CALN1: variants seen among roughly 807,000 people sequenced by gnomAD.
The protein encoded by CALN1 is calcium-binding protein 8.
Under a neutral mutation model 30.6 loss-of-function variants are expected in CALN1, and 17 were observed. That is an observed-to-expected ratio of 0.56 (90% CI 0.38 to 0.83). The LOEUF (loss-of-function observed/expected upper bound fraction) is 0.83, where lower values mean the gene tolerates loss of function less well. Among genes scored for constraint, CALN1 ranks in the 40% least tolerant of loss-of-function variants. The probability of loss-of-function intolerance (pLI) is 0.00; values close to 1 mark genes in which losing one functional copy is unlikely to be tolerated. For synonymous variants in CALN1, 156 were observed against 131.4 expected, an observed-to-expected ratio of 1.19 and a Z score of -1.28; for missense variants, 291 against 354.9, an observed-to-expected ratio of 0.82 and a Z score of 1.45.
At chr7:72,281,927 T>C (rs1797755655) in intron 2 of CALN1, among the ~76,000 whole-genome samples, 1 of 151,984 alleles carries the variant, frequency 6.6e-6, no homozygotes, top group African/African-American at 2.4e-5. Context: ...TATACCAACA[T>C]AATTTGCTTC....
rs866991887 is a variant in CALN1 at position 72,405,841 on chromosome 7, T to G, written c.-73-2399A>C. On this transcript the variant is annotated intron_variant, in intron 1 of 6. Coordinates refer to ENST00000395275, the MANE Select transcript of CALN1 (RefSeq NM_031468.4). ...AAAAAGCAGTAATTAGCTCCCCATA[T>G]GCAAAAACTTCTGAATATGTTGAGT... Among the ~76,000 whole-genome samples the G allele has an allele frequency of 5.3e-5, 8 of 152,324 alleles. 1 individual carries two copies. The Middle Eastern group carries it at 0.01, about 194-fold the overall frequency.
intron 5 of CALN1, among the ~76,000 whole-genome samples, chr7:71,867,176 A>G (rs1791636156): frequency 1.3e-5 from 2 of 151,964 alleles, no homozygotes; most frequent in East Asian, 1.9e-4. Context: ...TTACAGTAGC[A>G]TTACTCAAAT....
chr7:72,165,756 T>C (rs1788479503), intron 3 of CALN1, among the ~76,000 whole-genome samples: 1 of 151,886 alleles, frequency 6.6e-6, no homozygotes, highest in Non-Finnish European at 1.5e-5. Flanking sequence ...GCTGTCTCCT[T>C]GAGGAAGGTT....
chr7:71,901,122 G>T (rs1401937465), intron 5 of CALN1, among the ~76,000 whole-genome samples: 1 of 152,066 alleles, frequency 6.6e-6, no homozygotes, highest in African/African-American at 2.4e-5. Flanking sequence ...ATTATTTTGG[G>T]TGGTGAAGTC....
intron 2 of CALN1, among the ~76,000 whole-genome samples, chr7:72,369,594 C>CA (rs1804098627): frequency 6.6e-6 from 1 of 152,076 alleles, no homozygotes; most frequent in Admixed American, 6.6e-5. Flanking sequence ...CTGCTGACCT[C>CA]AGGTGATCCA....
intron 4 of CALN1, among the ~76,000 whole-genome samples, chr7:72,085,091 T>C (rs1805395215): frequency 6.6e-6 from 1 of 152,198 alleles, no homozygotes; most frequent in African/African-American, 2.4e-5. Context: ...TCTTTCTGAC[T>C]TACGGTCAGA....
At chr7:71,944,984 C>T (rs1796333184) in intron 5 of CALN1, among the ~76,000 whole-genome samples, 1 of 149,832 alleles carries the variant, frequency 6.7e-6, no homozygotes, top group African/African-American at 2.5e-5. Flanking sequence ...GAAATGTGAT[C>T]CCCAATACTG....
chr7:72,485,237 A>C, the CALN1 span, among the ~76,000 whole-genome samples: 1 of 152,220 alleles, frequency 6.6e-6, no homozygotes, highest in Non-Finnish European at 1.5e-5. Context: ...CCTGGGCAAC[A>C]GAGCAAGACT....
intron 5 of CALN1, among the ~76,000 whole-genome samples, chr7:71,847,506 A>T (rs1415000704): frequency 6.6e-6 from 1 of 151,458 alleles, no homozygotes; most frequent in Non-Finnish European, 1.5e-5. Context: ...ACCAAAACCA[A>T]AACCAAAACC....
chr7:71,801,472 C>CTATCTATCTATCTATCT (rs1554340287), intron 6 of CALN1, among the ~76,000 whole-genome samples: 5 of 151,270 alleles, frequency 3.3e-5, no homozygotes, highest in Non-Finnish European at 5.9e-5. Flanking sequence ...ATCTATCTAT[C>CTATCTATCTATCTATCT]GAGACAGGGT....
At chr7:72,141,900 G>A (rs1434371101) in intron 3 of CALN1, among the ~76,000 whole-genome samples, 1 of 152,144 alleles carries the variant, frequency 6.6e-6, no homozygotes, top group Non-Finnish European at 1.5e-5. Context: ...TGGGCCCTAT[G>A]TCAAAACATG....
chr7:72,066,415 C>T (rs945571185), intron 4 of CALN1, among the ~76,000 whole-genome samples: 39 of 152,176 alleles, frequency 2.6e-4, no homozygotes, highest in Admixed American at 2.2e-3. Flanking sequence ...ATACCAAATT[C>T]GTCAATGTAA....
intron 5 of CALN1, among the ~76,000 whole-genome samples, chr7:71,912,565 A>T (rs1407258429): frequency 6.6e-6 from 1 of 152,194 alleles, no homozygotes; most frequent in East Asian, 1.9e-4. Flanking sequence ...GGGAATTTTT[A>T]AAACAATCCA....
At chr7:72,408,675 C>T (rs1361284081) in intron 1 of CALN1, among the ~76,000 whole-genome samples, 26 of 77,986 alleles carry the variant, frequency 3.3e-4, no homozygotes, top group Non-Finnish European at 4.3e-4. Flanking sequence ...TTATCTTTTC[C>T]TTTTTTTTTT....
chr7:72,499,901 CTTTCTTTCTTTCT>C, the CALN1 span, among the ~76,000 whole-genome samples: 1 of 44,398 alleles, frequency 2.3e-5, no homozygotes, highest in East Asian at 5.6e-4. Flanking sequence ...TTCTTTCTTT[CTTTCTTTCTTTCT>C]ATCTTTCTCT....
intron 3 of CALN1, among the ~76,000 whole-genome samples, chr7:72,269,390 G>A (rs1012595783): frequency 1.3e-5 from 2 of 151,772 alleles, no homozygotes; most frequent in Non-Finnish European, 2.9e-5. Context: ...CCCAGTGTGT[G>A]ATGTTCCTCT....
chr7:71,928,380 T>C (rs1194694983), intron 5 of CALN1, among the ~76,000 whole-genome samples: 7 of 151,818 alleles, frequency 4.6e-5, no homozygotes, highest in African/African-American at 1.7e-4. Flanking sequence ...TATCTTTCCA[T>C]TGACTTCAGG....
At chr7:72,438,315 T>G (rs1441384905) in intron 1 of CALN1, among the ~76,000 whole-genome samples, 4 of 151,548 alleles carry the variant, frequency 2.6e-5, no homozygotes, top group Non-Finnish European at 2.9e-5. Flanking sequence ...AGAGATGGAG[T>G]CTCACTATGT....
At chr7:71,790,200 A>T (rs1332973432) in intron 6 of CALN1, among the ~76,000 whole-genome samples, 1 of 151,302 alleles carries the variant, frequency 6.6e-6, no homozygotes, top group Non-Finnish European at 1.5e-5. Flanking sequence ...GAAAGAGAGA[A>T]ACAAAGAAAG....
Sources: gnomAD v4.1 joint callset for allele counts (sites outside exome capture counted in the v4.1 genomes callset) on GRCh38, gnomAD v4.1.1 for gene constraint, MANE v1.5 for transcripts, NCBI Gene and HGNC (gene_info 2026-07-23, HGNC 2026-07-21) for gene names.